The following CSMD2 variants were observed in gnomAD, a reference collection of about 807,000 sequenced individuals.
CSMD2 encodes the protein CUB and sushi domain-containing protein 2.
In CSMD2, 130 loss-of-function variants were observed where a neutral mutation model predicts 398.5. The observed-to-expected ratio is 0.33, with a 90% CI of 0.28 to 0.38. CSMD2 has a LOEUF of 0.38. Ranked by LOEUF, CSMD2 falls within the 10% of genes least tolerant of loss-of-function variation. The pLI, the probability that CSMD2 is intolerant of heterozygous loss-of-function variation, is 1.00. For synonymous variants in CSMD2, 1,828 were observed against 1,908.5 expected (o/e 0.96, Z 1.10); for missense variants, 3,829 against 4,764.9 (o/e 0.80, Z 5.78).
intron 44 of CSMD2, among the ~76,000 whole-genome samples, chr1:33,588,382 C>G (rs1247010177): frequency 1.3e-5 from 1 of 74,700 alleles, no homozygotes; most frequent in African/African-American, 9.1e-5. Flanking sequence ...GCATCTTTTA[C>G]GTTTTTTTCT....
At chr1:34,143,594 C>T (rs1460738917) in intron 1 of CSMD2, among the ~76,000 whole-genome samples, 1 of 152,150 alleles carries the variant, frequency 6.6e-6, no homozygotes. Flanking sequence ...GGACAGATCC[C>T]ATGCATGTCA....
intron 12 of CSMD2, among the ~76,000 whole-genome samples, chr1:33,773,935 G>C (rs1651616882): frequency 6.6e-6 from 1 of 152,158 alleles, no homozygotes; most frequent in Admixed American, 6.5e-5. Flanking sequence ...GATCCTGACA[G>C]GGATGATTCT....
At chr1:33,628,086 G>A (rs1311700749) in intron 32 of CSMD2, among the ~76,000 whole-genome samples, 2 of 152,218 alleles carry the variant, frequency 1.3e-5, no homozygotes, top group Non-Finnish European at 2.9e-5. Context: ...AGTCATGGTT[G>A]TCATGAGATT....
chr1:33,519,661 G>C lies in CSMD2; in HGVS notation c.10753C>G (p.Pro3585Ala), dbSNP rs1025727891. The C allele has an allele frequency of 6.2e-7, 1 of 1,614,042 alleles. No homozygotes were observed. Among genetic ancestry groups the C allele is most frequent in the African/African-American group, 1.3e-5 (1 of 74,998 alleles). Residue 3585 changes from proline (P) to alanine (A), a missense_variant, in exon 70 of 71, where the codon CCT becomes GCT. This residue lies in a region of CSMD2 where 917 missense variants were observed against 1,199.5 expected (regional missense o/e 0.76). Transcript: ENST00000373381. The surrounding 1 kb of genome is among the most constrained non-coding windows in gnomAD (Gnocchi z 5.6). ...TCGTGGCCAGCATAGCCATTGAAAGGAACTTTGGGTCTTCTCCTGGCGATA... is the reference window on the plus strand; with the variant it reads ...TCGTGGCCAGCATAGCCATTGAAAGCAACTTTGGGTCTTCTCCTGGCGATA... ...LYKHRRRPKV[P>A]FNGYAGHENT...
chr1:33,718,224 A>G (rs1327906212), intron 19 of CSMD2, among the ~76,000 whole-genome samples: 9 of 152,172 alleles, frequency 5.9e-5, no homozygotes, highest in Admixed American at 5.9e-4. Context: ...ACAGAAAGAG[A>G]GCAGGTAGTT....
chr1:33,765,685 CTTG>C (rs1274740421), intron 13 of CSMD2, among the ~76,000 whole-genome samples: 2 of 152,050 alleles, frequency 1.3e-5, no homozygotes, highest in African/African-American at 2.4e-5. Context: ...TACTGAGAGA[CTTG>C]TTTATATAGA....
chr1:33,893,449 C>T (rs1642184633), intron 5 of CSMD2, among the ~76,000 whole-genome samples: 1 of 152,222 alleles, frequency 6.6e-6, no homozygotes, highest in African/African-American at 2.4e-5. Flanking sequence ...CACAAAGCAG[C>T]TTTCACCTAC....
intron 3 of CSMD2, among the ~76,000 whole-genome samples, chr1:33,950,253 G>C (rs1259181628): frequency 6.6e-6 from 1 of 152,084 alleles, no homozygotes; most frequent in Non-Finnish European, 1.5e-5. Flanking sequence ...GCTTCAGTTG[G>C]TGTCAAGCTC....
At chr1:33,576,396 GC>G (rs1184593725) in intron 49 of CSMD2, among the ~76,000 whole-genome samples, 2 of 152,162 alleles carry the variant, frequency 1.3e-5, no homozygotes, top group African/African-American at 2.4e-5. Context: ...TTTGAGACCA[GC>G]CGGACCAATA....
intron 1 of CSMD2, among the ~76,000 whole-genome samples, chr1:34,124,786 G>C (rs1272060324): frequency 6.6e-6 from 1 of 152,182 alleles, no homozygotes; most frequent in Non-Finnish European, 1.5e-5. Context: ...AAAAGTCACA[G>C]TTCTATTTGT....
chr1:33,665,443 T>C (rs1644274775), intron 25 of CSMD2, among the ~76,000 whole-genome samples: 1 of 150,238 alleles, frequency 6.7e-6, no homozygotes, highest in African/African-American at 2.4e-5. Flanking sequence ...GGGACTTGTA[T>C]AGTTTCTTTC....
At chr1:33,893,026 A>G (rs1642132082) in intron 5 of CSMD2, among the ~76,000 whole-genome samples, 1 of 152,228 alleles carries the variant, frequency 6.6e-6, no homozygotes, top group African/African-American at 2.4e-5. Flanking sequence ...GGGATTTCCT[A>G]GCATAATAGT....
Position 33,577,417 on chromosome 1 carries a change from G to C in CSMD2, c.7455C>G (p.Pro2485=). The change falls in exon 49 of 71, where the codon CCC becomes CCG. Residue 2485 remains proline (P), a synonymous_variant. Coordinates refer to ENST00000373381, the MANE Select transcript of CSMD2 (RefSeq NM_001281956.2). ...TGCAGCCAAAGTGGATGGAGCCCCC[G>C]GGCTGGGTGCTGGTCTGGCCTAGGA... is the stretch of plus-strand genomic sequence containing the variant. ...GFILGQTSTQ[P]GGSIHFGCNA... The C allele has an allele frequency of 1.2e-6, 2 of 1,614,114 alleles. No homozygotes were observed. Among genetic ancestry groups the C allele is most frequent in the Non-Finnish European group, 1.7e-6 (2 of 1,180,006 alleles).
At chr1:33,907,594 C>A (rs1167416925) in intron 5 of CSMD2, among the ~76,000 whole-genome samples, 1 of 152,136 alleles carries the variant, frequency 6.6e-6, no homozygotes, top group Non-Finnish European at 1.5e-5. Context: ...TAGAGATCTA[C>A]CTCGTCCATG....
chr1:33,814,266 A>G (rs1657197727), intron 9 of CSMD2: 1 of 152,108 alleles, frequency 6.6e-6, no homozygotes, highest in African/African-American at 2.4e-5. Flanking sequence ...TGCCTTCTCC[A>G]TACCTGCCAC....
chr1:33,886,364 C>T (rs1167438524), intron 5 of CSMD2, among the ~76,000 whole-genome samples: 1 of 152,078 alleles, frequency 6.6e-6, no homozygotes, highest in Admixed American at 6.5e-5. Context: ...CAAAGTCGGG[C>T]GTACTGGTGT....
In CSMD2 at chr1:33,666,253, CA is replaced by C. The variant is rs1192486381; in HGVS notation, c.4053-3162del. Among the ~76,000 whole-genome samples, 7 of 152,076 alleles carry C rather than the reference CA, an allele frequency of 4.6e-5. No individual in the cohort carries two copies. In the East Asian group the frequency reaches 9.7e-4, roughly 21 times the overall value. On this transcript the variant is annotated intron_variant, in intron 25 of 70. Transcript: ENST00000373381. ...GATAAACTTTATGGTTACCAAGTCC[CA>C]AAAAAATGTGATTGAGATTTTGATT... is the stretch of plus-strand genomic sequence containing the variant.
rs112168973 is a variant in CSMD2, at chr1:33,605,115, C to T, written c.6532+167G>A. ...CGGAGCCCTGTCACCAGGACCCTCT[C>T]CCTGGAGAGGCTGGGCCACACCATG... On this transcript the variant is annotated intron_variant, in intron 42 of 70. Transcript: ENST00000373381. Among the ~76,000 whole-genome samples the T allele has an allele frequency of 3.0e-4, 46 of 152,294 alleles. 1 individual carries two copies. The highest frequency in any genetic ancestry group is 9.4e-4 in the African/African-American group (39 of 41,564).
At chr1:33,826,718 C>A (rs138557646) in intron 6 of CSMD2, among the ~76,000 whole-genome samples, 2 of 152,310 alleles carry the variant, frequency 1.3e-5, no homozygotes, top group East Asian at 3.9e-4. Flanking sequence ...AAAGGCCATT[C>A]CTCTGTACCC....
Sources: allele counts gnomAD v4.1 joint callset (sites outside exome capture counted in the v4.1 genomes callset), GRCh38; gene constraint gnomAD v4.1.1; regional missense constraint gnomAD v4.1.1; non-coding constraint Gnocchi (gnomAD v3.1); transcripts MANE v1.5; gene names NCBI Gene and HGNC (gene_info 2026-07-23, HGNC 2026-07-21).